The following SPECC1 variants were observed in gnomAD, a reference collection of about 807,000 sequenced individuals.
SPECC1 encodes the protein sperm antigen with calponin homology and coiled-coil domains 1, also known as cytospin-B.
Under a neutral mutation model 104.1 loss-of-function variants are expected in SPECC1, and 62 were observed. That is an observed-to-expected ratio of 0.60 (90% CI 0.49 to 0.74). The LOEUF is 0.74. Among genes scored for constraint, SPECC1 ranks in the 30% least tolerant of loss-of-function variants. The pLI is 0.00. For missense variants in SPECC1, 1,306 were observed against 1,310.5 expected (o/e 1.00, Z 0.05); for synonymous variants, 513 against 501.6 (o/e 1.02, Z -0.30).
chr17:20,244,441 A>G (rs2039335831), intron 7 of SPECC1, among the ~76,000 whole-genome samples: 1 of 152,070 alleles, frequency 6.6e-6, no homozygotes, highest in African/African-American at 2.4e-5. Context: ...ACCTCCTACA[A>G]TTTCTGAAGT....
intron 12 of SPECC1, among the ~76,000 whole-genome samples, chr17:20,278,730 T>C (rs1249922134): frequency 6.6e-6 from 1 of 151,064 alleles, no homozygotes; most frequent in Non-Finnish European, 1.5e-5. Context: ...TTTTTTTTTT[T>C]AAAGGTTCTT....
chr17:20,029,048 C>T (rs764084282), intron 1 of SPECC1, among the ~76,000 whole-genome samples: 2 of 152,098 alleles, frequency 1.3e-5, no homozygotes, highest in Admixed American at 6.5e-5. Context: ...AGGCATGAAC[C>T]GCCACCCCCA....
intron 12 of SPECC1, among the ~76,000 whole-genome samples, chr17:20,287,635 G>A (rs2041002248): frequency 1.3e-5 from 2 of 152,116 alleles, no homozygotes; most frequent in African/African-American, 2.4e-5. Flanking sequence ...CCCAGTTACT[G>A]GAAAGGAAGC....
At chr17:20,210,962 T>C (rs551439443) in intron 4 of SPECC1, among the ~76,000 whole-genome samples, 1 of 152,342 alleles carries the variant, frequency 6.6e-6, no homozygotes, top group South Asian at 2.1e-4. Flanking sequence ...TCCTGAAGCT[T>C]TCCGCCTCAG....
At chr17:20,066,748 G>A (rs2046370028) in intron 1 of SPECC1, among the ~76,000 whole-genome samples, 1 of 105,776 alleles carries the variant, frequency 9.5e-6, no homozygotes, top group Non-Finnish European at 2.1e-5. Context: ...TTATGCTTAA[G>A]TAGTTTTTTT....
At chr17:20,286,105 C>A (rs866204011) in intron 12 of SPECC1, among the ~76,000 whole-genome samples, 2 of 152,230 alleles carry the variant, frequency 1.3e-5, no homozygotes, top group Admixed American at 6.5e-5. Flanking sequence ...TCGCACATGA[C>A]CTCCTTTTTA....
intron 3 of SPECC1, among the ~76,000 whole-genome samples, chr17:20,177,359 T>C (rs186631042): frequency 5.3e-5 from 8 of 152,318 alleles, no homozygotes; most frequent in Admixed American, 3.9e-4. Context: ...TTTTCAATTA[T>C]AAATTTTTGT....
At chr17:20,135,113 G>A (rs1380908933) in intron 3 of SPECC1, among the ~76,000 whole-genome samples, 3 of 152,170 alleles carry the variant, frequency 2.0e-5, no homozygotes, top group African/African-American at 7.2e-5. Flanking sequence ...TCTCAGTGTT[G>A]TGTGTTCTCT....
At position 20,318,553 on chromosome 17, in the gene SPECC1, C is replaced by G. The variant is rs572589126; in HGVS notation, c.*4488C>G. 3 of 230,110 alleles carry G rather than the reference C, an allele frequency of 1.3e-5. No homozygotes were observed. In the East Asian group the frequency reaches 1.8e-4, roughly 14 times the overall value. 14.3% of individuals were successfully genotyped at this position (230,110 alleles called of 1,614,324 possible). On this transcript the variant is annotated 3_prime_UTR_variant, in exon 15 of 15. Transcript: ENST00000395527. Reference sequence around the variant, plus strand: ...ACGGAGACTCCCTTAGCCTCCCCCTCCTCTTCCCCACTGAGGGGCAGCTTG... The same window carrying G: ...ACGGAGACTCCCTTAGCCTCCCCCTGCTCTTCCCCACTGAGGGGCAGCTTG...
At chr17:20,037,811 C>T (rs906607877) in intron 1 of SPECC1, among the ~76,000 whole-genome samples, 5 of 152,146 alleles carry the variant, frequency 3.3e-5, no homozygotes, top group Admixed American at 6.5e-5. Context: ...ACATACATCT[C>T]TTTAGCTGCA....
intron 3 of SPECC1, among the ~76,000 whole-genome samples, chr17:20,197,167 A>G (rs1237506569): frequency 6.6e-6 from 1 of 152,224 alleles, no homozygotes; most frequent in African/African-American, 2.4e-5. Context: ...GGGCCAGGAA[A>G]GGGGGTCCCT....
At chr17:20,066,440 G>GATTCCTTCAGTGGAA (rs2046360699) in intron 1 of SPECC1, among the ~76,000 whole-genome samples, 2 of 152,200 alleles carry the variant, frequency 1.3e-5, no homozygotes, top group African/African-American at 4.8e-5. Flanking sequence ...CCTGCACGGA[G>GATTCCTTCAGTGGAA]ATTCCTTCAG....
chr17:20,099,259 A>G (rs1235009080), intron 2 of SPECC1, among the ~76,000 whole-genome samples: 3 of 152,068 alleles, frequency 2.0e-5, no homozygotes, highest in Non-Finnish European at 4.4e-5. Context: ...TTAGATTTTT[A>G]TGTTTATTAT....
intron 1 of SPECC1, among the ~76,000 whole-genome samples, chr17:20,059,959 G>A (rs2046123322): frequency 6.6e-6 from 1 of 152,202 alleles, no homozygotes; most frequent in African/African-American, 2.4e-5. Flanking sequence ...TTATCTACTG[G>A]TTTGTACATG....
chr17:20,297,584 T>C (rs1275740846), intron 13 of SPECC1, among the ~76,000 whole-genome samples: 9 of 152,228 alleles, frequency 5.9e-5, no homozygotes, highest in Non-Finnish European at 5.9e-5. Flanking sequence ...GGCCACGTAA[T>C]AGACTCAGTG....
intron 3 of SPECC1, among the ~76,000 whole-genome samples, chr17:20,200,819 C>A (rs1041027141): frequency 2.7e-5 from 4 of 150,782 alleles, no homozygotes; most frequent in African/African-American, 7.3e-5. Flanking sequence ...CTAACCTGTG[C>A]TCTGTAACAG....
chr17:20,091,394 C>T (rs1024104806), intron 1 of SPECC1, among the ~76,000 whole-genome samples: 8 of 152,162 alleles, frequency 5.3e-5, no homozygotes, highest in African/African-American at 1.7e-4. Flanking sequence ...GCCAGTGTCC[C>T]AGGGCTCTCA....
rs772898595 is a variant in SPECC1 at position 20,312,666 on chromosome 17, G to A, written c.3118-1310G>A. Among the ~76,000 whole-genome samples the A allele has an allele frequency of 3.9e-5, 6 of 152,230 alleles. No individual in the cohort carries two copies. The South Asian group carries it at 1.2e-3, about 32-fold the overall frequency. On this transcript the variant is annotated intron_variant, in intron 14 of 14. Coordinates refer to ENST00000395527, the MANE Select transcript of SPECC1 (RefSeq NM_001243439.2). ...GTTGCCAGGCCTCAGTCTGTGTGCA[G>A]TCATGACTACAGCCAGTGTAGGTAG...
At chr17:20,101,929 A>G (rs1263813535) in intron 2 of SPECC1, among the ~76,000 whole-genome samples, 1 of 152,242 alleles carries the variant, frequency 6.6e-6, no homozygotes, top group African/African-American at 2.4e-5. Context: ...TGTGGAATTG[A>G]GAGGAATTTC....
Sources: allele counts gnomAD v4.1 joint callset (sites outside exome capture counted in the v4.1 genomes callset), GRCh38; gene constraint gnomAD v4.1.1; transcripts MANE v1.5; gene names NCBI Gene and HGNC (gene_info 2026-07-23, HGNC 2026-07-21).